Variants in TFG observed in about 807,000 individuals in gnomAD.
TFG encodes trafficking from ER to golgi regulator, also known as protein TFG.
Under a neutral mutation model 51.4 loss-of-function variants are expected in TFG, and 22 were observed. That is an observed-to-expected ratio of 0.43 (90% CI 0.31 to 0.61). The LOEUF (loss-of-function observed/expected upper bound fraction) is 0.61, where lower values mean the gene tolerates loss of function less well. Ranked by LOEUF, TFG falls within the 20% of genes least tolerant of loss-of-function variation. TFG has a pLI of 0.12. For synonymous variants in TFG, 187 were observed against 165.6 expected (o/e 1.13, Z -0.99); for missense variants, 419 against 487.7 (o/e 0.86, Z 1.33).
At chr3:100,745,023 T>G in intron 7 of TFG, 92 bp downstream of exon 7, 1 of 628,686 alleles carries the variant, frequency 1.6e-6, no homozygotes, top group Non-Finnish European at 2.7e-6. Flanking sequence ...TGTAGTACAT[T>G]GATATAATAG....
At chr3:100,732,445 T>A in intron 4 of TFG, 63 bp from the exon 5 acceptor site, 2 of 1,216,302 alleles carry the variant, frequency 1.6e-6, no homozygotes, top group Non-Finnish European at 2.3e-6. Flanking sequence ...CCTTGTACTT[T>A]TAGGCCTTAC....
At chr3:100,724,584 G>A (rs2095069742) in intron 3 of TFG, among the ~76,000 whole-genome samples, 1 of 152,172 alleles carries the variant, frequency 6.6e-6, no homozygotes, top group African/African-American at 2.4e-5. Context: ...CATAGGCAAA[G>A]AGGGAATATA....
chr3:100,715,182 A>T (rs1349752042), intron 2 of TFG, among the ~76,000 whole-genome samples: 1 of 152,204 alleles, frequency 6.6e-6, no homozygotes, highest in Non-Finnish European at 1.5e-5. Context: ...ATGCCAGCAG[A>T]TATAATAGAA....
chr3:100,728,932 A>C, intron 4 of TFG, 74 bp downstream of exon 4: 1 of 1,344,288 alleles, frequency 7.4e-7, no homozygotes, highest in Non-Finnish European at 1.0e-6. Context: ...ACTCTTTTTA[A>C]GTAGGAGAAG....
At chr3:100,720,915 GTTGTT>G (rs1363814756) in intron 3 of TFG, among the ~76,000 whole-genome samples, 3 of 151,908 alleles carry the variant, frequency 2.0e-5, no homozygotes, top group Admixed American at 6.5e-5. Flanking sequence ...CGGCTGTTTT[GTTGTT>G]TTGTTTAGCA....
chr3:100,716,128 A>T lies in TFG; in HGVS notation c.184+2259A>T, dbSNP rs140040665. ...TATATAATATGTTATTGTTAACTGTAGTCATCCTATAGTGCTATAGAACAC... is the reference window on the plus strand; with the variant it reads ...TATATAATATGTTATTGTTAACTGTTGTCATCCTATAGTGCTATAGAACAC... On this transcript the variant is annotated intron_variant, in intron 2 of 7. Coordinates refer to ENST00000240851, the MANE Select transcript of TFG (RefSeq NM_006070.6). Among the ~76,000 whole-genome samples the T allele has an allele frequency of 2.8e-4, 42 of 152,264 alleles. No homozygotes were observed. The East Asian group carries it at 8.1e-3, about 29-fold the overall frequency.
chr3:100,733,729 T>A (rs4928085), intron 5 of TFG, among the ~76,000 whole-genome samples: 1 of 151,992 alleles, frequency 6.6e-6, no homozygotes, highest in Non-Finnish European at 1.5e-5. Context: ...CTTGGACTTA[T>A]ATTCTTTTGA....
chr3:100,725,622 C>CAAAAAAAA (rs763163559), intron 3 of TFG, among the ~76,000 whole-genome samples: 2,095 of 82,594 alleles, frequency 0.025, no homozygotes, highest in Non-Finnish European at 0.033. Context: ...ACCAAAAATA[C>CAAAAAAAA]AAAAAAAAAA....
chr3:100,716,960 G>A lies in TFG; in HGVS notation c.185-3015G>A, dbSNP rs540091753. ...TGAATATTCATCCTCTGCCAGATGA[G>A]TAGTTGTATTTCCTCCCATTCTGTA... is the stretch of plus-strand genomic sequence containing the variant. On this transcript the variant is annotated intron_variant, in intron 2 of 7. Transcript: ENST00000240851. Among the ~76,000 whole-genome samples, 3 of 152,242 alleles carry A rather than the reference G, an allele frequency of 2.0e-5. No individual in the cohort carries two copies. In the East Asian group the frequency reaches 5.8e-4, roughly 29 times the overall value.
At chr3:100,717,579 GT>G (rs55750598) in intron 2 of TFG, among the ~76,000 whole-genome samples, 95,197 of 116,436 alleles carry the variant, frequency 0.82, 39,836 homozygotes, top group Non-Finnish European at 0.94. Context: ...TTTCATCAGT[GT>G]TTTTTTTTTT....
At chr3:100,713,925 G>C (rs1238864796) in intron 2 of TFG, 56 bp downstream of exon 2, 4 of 901,166 alleles carry the variant, frequency 4.4e-6, no homozygotes, top group African/African-American at 1.8e-5. Context: ...AAAAAAAAAA[G>C]ACAGAGCCTC....
chr3:100,728,917 A>G, intron 4 of TFG, 59 bp downstream of exon 4: 1 of 1,434,862 alleles, frequency 7.0e-7, no homozygotes, highest in Non-Finnish European at 9.2e-7. Flanking sequence ...TGGAGGTTTT[A>G]AAAAACTCTT....
intron 6 of TFG, among the ~76,000 whole-genome samples, chr3:100,740,152 A>G (rs41373752): frequency 0.33 from 50,452 of 152,066 alleles, 9,020 homozygotes; most frequent in South Asian, 0.49. Context: ...TCTAAAATCA[A>G]AACTATGTGT....
At chr3:100,711,378 G>A (rs141642300) in intron 1 of TFG, among the ~76,000 whole-genome samples, 2,212 of 152,248 alleles carry the variant, frequency 0.015, 51 homozygotes, top group African/African-American at 0.05. Context: ...TGGGATTACA[G>A]GTGTGAGCCA....
intron 4 of TFG, among the ~76,000 whole-genome samples, chr3:100,731,878 A>G (rs982706753): frequency 6.6e-6 from 1 of 152,186 alleles, no homozygotes; most frequent in Non-Finnish European, 1.5e-5. Flanking sequence ...TGCAGATCCC[A>G]TATACATCAT....
intron 3 of TFG, among the ~76,000 whole-genome samples, chr3:100,722,040 ACTT>A (rs1408408785): frequency 6.6e-6 from 1 of 152,180 alleles, no homozygotes; most frequent in Non-Finnish European, 1.5e-5. Context: ...AGTCCCAGCT[ACTT>A]GAGAGGCTGA....
At chr3:100,718,229 T>C (rs566471137) in intron 2 of TFG, among the ~76,000 whole-genome samples, 2 of 152,336 alleles carry the variant, frequency 1.3e-5, no homozygotes, top group East Asian at 1.9e-4. Context: ...GCCTGGCCTT[T>C]AACTGCCTTT....
At chr3:100,723,293 A>G (rs541699925) in intron 3 of TFG, among the ~76,000 whole-genome samples, 1 of 152,278 alleles carries the variant, frequency 6.6e-6, no homozygotes, top group South Asian at 2.1e-4. Context: ...AAGAGTTATA[A>G]TTGAAAAATT....
At chr3:100,746,224 G>A (rs555385974) in intron 7 of TFG, among the ~76,000 whole-genome samples, 102 of 152,192 alleles carry the variant, frequency 6.7e-4, no homozygotes, top group African/African-American at 2.3e-3. Flanking sequence ...ATTTAATCTC[G>A]GGATTTCGGT....
Sources: gnomAD v4.1 joint callset for allele counts (sites outside exome capture counted in the v4.1 genomes callset) on GRCh38, gnomAD v4.1.1 for gene constraint, MANE v1.5 for transcripts, NCBI Gene and HGNC (gene_info 2026-07-23, HGNC 2026-07-21) for gene names.